The following ALDH1L2 variants were observed in gnomAD, a reference collection of about 807,000 sequenced individuals.
The protein encoded by ALDH1L2 is mitochondrial 10-formyltetrahydrofolate dehydrogenase.
Under a neutral mutation model 111.0 loss-of-function variants are expected in ALDH1L2, and 91 were observed. The observed-to-expected ratio is 0.82, with a 90% CI of 0.69 to 0.98. The LOEUF (loss-of-function observed/expected upper bound fraction) is 0.98. Ranked by LOEUF, ALDH1L2 falls within the 50% of genes least tolerant of loss-of-function variation. The pLI is 0.00. For synonymous variants in ALDH1L2, 374 were observed against 392.6 expected (o/e 0.95, Z 0.56); for missense variants, 995 against 1,126.8 (o/e 0.88, Z 1.67).
intron 15 of ALDH1L2, among the ~76,000 whole-genome samples, chr12:105,046,228 T>TATTTTA (rs1875901065): frequency 9.9e-6 from 1 of 101,414 alleles, no homozygotes; most frequent in African/African-American, 5.0e-5. Context: ...TATATTTTTT[T>TATTTTA]TTTTTTTTTT....
At chr12:105,038,069 G>A (rs764170395) in intron 18 of ALDH1L2, 34 bp downstream of exon 18, 2 of 1,581,154 alleles carry the variant, frequency 1.3e-6, no homozygotes, top group Non-Finnish European at 1.7e-6. Flanking sequence ...ACCTGGCCCA[G>A]GCACCTATTT....
At chr12:105,050,260 A>G in intron 12 of ALDH1L2, 1 of 438,702 alleles carries the variant, frequency 2.3e-6, no homozygotes, top group Non-Finnish European at 3.8e-6. Context: ...ATTACAAAGG[A>G]GAAGCAGAGG....
At position 105,063,003 on chromosome 12, in the gene ALDH1L2, G is replaced by C; in HGVS notation, c.806C>G (p.Ser269Trp). The C allele has an allele frequency of 1.2e-6, 2 of 1,613,396 alleles. No homozygotes were observed. The highest frequency in any genetic ancestry group is 1.1e-5 in the South Asian group (1 of 90,930). ...INGQMVTFYG[S>W]TLLNSSVPPG... ...AGGCACAGAGCTATTCAGTAATGTC[G>C]AGCCATAGAAAGTGACCATCTAGTA... Residue 269 changes from serine (S) to tryptophan (W), a missense_variant, in exon 7 of 23, where the codon TCG (serine) becomes TGG (tryptophan). Physicochemically the swap from Ser to Trp is radical, Grantham distance 177 (BLOSUM62 -3). Coordinates refer to ENST00000258494, the MANE Select transcript of ALDH1L2 (RefSeq NM_001034173.4).
At chr12:105,083,630 T>TC (rs1301300694) in intron 1 of ALDH1L2, among the ~76,000 whole-genome samples, 8 of 148,264 alleles carry the variant, frequency 5.4e-5, no homozygotes, top group East Asian at 1.9e-4. Flanking sequence ...TATTTTTTTT[T>TC]TTTCTCTCTC....
chr12:105,073,836 C>A, intron 2 of ALDH1L2, 25 bp downstream of exon 2: 1 of 1,613,408 alleles, frequency 6.2e-7, no homozygotes, highest in East Asian at 2.2e-5. Flanking sequence ...GAATTCTTGA[C>A]CCAGTCATCC....
chr12:105,048,931 T>G (rs549457061), intron 13 of ALDH1L2, among the ~76,000 whole-genome samples: 1 of 140,954 alleles, frequency 7.1e-6, no homozygotes, highest in African/African-American at 2.7e-5. Flanking sequence ...CTAGGGAGGC[T>G]GAGGCAGGAG....
intron 4 of ALDH1L2, among the ~76,000 whole-genome samples, chr12:105,067,061 A>G (rs901454861): frequency 2.6e-5 from 4 of 151,922 alleles, no homozygotes; most frequent in African/African-American, 7.3e-5. Context: ...CTAAAAATAC[A>G]AAAAATCAGC....
chr12:105,029,305 G>C (rs1874582220), intron 21 of ALDH1L2, among the ~76,000 whole-genome samples: 2 of 152,178 alleles, frequency 1.3e-5, no homozygotes, highest in South Asian at 4.1e-4. Flanking sequence ...TGGGATTACA[G>C]GCATGAGGTG....
chr12:105,063,074 A>G (rs544363052), intron 6 of ALDH1L2, 52 bp from the exon 7 acceptor site: 30 of 1,585,550 alleles, frequency 1.9e-5, no homozygotes, highest in African/African-American at 4.1e-5. Flanking sequence ...AGCTGTTCAT[A>G]GCGGTATGTA....
chr12:105,050,021 C>G lies in ALDH1L2; in HGVS notation c.1573G>C (p.Ala525Pro), dbSNP rs1368733845. 1 of 1,607,294 alleles carries G rather than the reference C, an allele frequency of 6.2e-7. No individual in the cohort carries two copies. Among genetic ancestry groups the G allele is most frequent in the Non-Finnish European group, 8.5e-7 (1 of 1,176,588 alleles). Residue 525 changes from alanine (A) to proline (P), a missense_variant, in exon 13 of 23, where the codon GCA (alanine) becomes CCA (proline). Transcript: ENST00000258494. ...CCTGAATCAAGGGCTTCAATAGTTG[C>G]CAGCTCTTCTTGGTTCTCTTCCAGT... Reference protein sequence around the residue: ...DLLEENQEELATIEALDSGAV... With the variant: ...DLLEENQEELPTIEALDSGAV...
intron 1 of ALDH1L2, among the ~76,000 whole-genome samples, chr12:105,081,367 T>C (rs1401665129): frequency 6.6e-6 from 1 of 152,156 alleles, no homozygotes; most frequent in African/African-American, 2.4e-5. Flanking sequence ...GGTCGGGCAA[T>C]GATGAAACAA....
intron 2 of ALDH1L2, among the ~76,000 whole-genome samples, chr12:105,072,170 A>G (rs865924351): frequency 1.3e-4 from 19 of 148,002 alleles, no homozygotes; most frequent in South Asian, 8.3e-4. Flanking sequence ...TATAGAAATT[A>G]TGATATCTAT....
chr12:105,056,524 A>G (rs1876639531), intron 10 of ALDH1L2, among the ~76,000 whole-genome samples: 1 of 152,078 alleles, frequency 6.6e-6, no homozygotes, highest in Non-Finnish European at 1.5e-5. Context: ...GTATAAATAT[A>G]TTTTTTAACT....
intron 12 of ALDH1L2, chr12:105,050,736 G>T (rs1414743073): frequency 2.2e-6 from 1 of 448,724 alleles, no homozygotes; most frequent in South Asian, 1.6e-5. Context: ...CTGAGACTGG[G>T]TAATTTATAA....
intron 1 of ALDH1L2, among the ~76,000 whole-genome samples, chr12:105,077,588 T>C (rs986621548): frequency 6.6e-6 from 1 of 152,020 alleles, no homozygotes; most frequent in Admixed American, 6.5e-5. Flanking sequence ...CTTGTTTCTT[T>C]AGAGAGAACA....
chr12:105,031,885 G>C lies in ALDH1L2; in HGVS notation c.2294C>G (p.Thr765Ser), dbSNP rs779065828. The C allele has an allele frequency of 2.5e-6, 4 of 1,614,036 alleles. No homozygotes were observed. Among genetic ancestry groups the C allele is most frequent in the Non-Finnish European group, 8.5e-7 (1 of 1,180,040 alleles). The change falls in exon 20 of 23, where the codon ACT becomes AGT. Residue 765 changes from threonine (T) to serine (S), a missense_variant. Coordinates refer to ENST00000258494, the MANE Select transcript of ALDH1L2 (RefSeq NM_001034173.4). ...MKIGDPLDRS[T>S]DHGPQNHKAH... ...CTTATGATTTTGGGGCCCATGATCA[G>C]TGGATCTGTCAAGTGGATCACCAAT...
In ALDH1L2 at chr12:105,058,060, A is replaced by G. The variant is rs775020209; in HGVS notation, c.1287+13T>C. ...TCACTGATTTAGGGTTGCAACATCA[A>G]GGAAAAGCTTACATAATCTACAACC... is the stretch of plus-strand genomic sequence containing the variant. On this transcript the variant is annotated intron_variant, in intron 10 of 22. Coordinates refer to ENST00000258494, the MANE Select transcript of ALDH1L2 (RefSeq NM_001034173.4). 2.5e-6 allele frequency: 4 copies of G among 1,608,666 alleles called. No individual in the cohort carries two copies. Among genetic ancestry groups the G allele is most frequent in the Non-Finnish European group, 1.7e-6 (2 of 1,178,048 alleles).
chr12:105,066,255 CTTGTTTGT>C (rs750845780), intron 5 of ALDH1L2, among the ~76,000 whole-genome samples: 1 of 152,070 alleles, frequency 6.6e-6, no homozygotes, highest in Non-Finnish European at 1.5e-5. Context: ...TTTTTATTTG[CTTGTTTGT>C]TTGTTTGTTT....
chr12:105,044,382 T>C (rs979455909), intron 15 of ALDH1L2, among the ~76,000 whole-genome samples: 3 of 128,906 alleles, frequency 2.3e-5, no homozygotes, highest in Non-Finnish European at 5.2e-5. Flanking sequence ...GGTCTCCAAC[T>C]CAGACCAATT....
Sources: allele counts gnomAD v4.1 joint callset (sites outside exome capture counted in the v4.1 genomes callset), GRCh38; gene constraint gnomAD v4.1.1; transcripts MANE v1.5; gene names NCBI Gene and HGNC (gene_info 2026-07-23, HGNC 2026-07-21).